Variants in MTHFD1 observed in about 807,000 individuals in gnomAD.
MTHFD1 encodes methylenetetrahydrofolate dehydrogenase, cyclohydrolase and formyltetrahydrofolate synthetase 1.
In MTHFD1, 44 loss-of-function variants were observed where a neutral mutation model predicts 110.3. That is an observed-to-expected ratio of 0.40 (90% CI 0.31 to 0.51). The LOEUF is 0.51. Among genes scored for constraint, MTHFD1 ranks in the 20% least tolerant of loss-of-function variants. MTHFD1 has a pLI of 0.60. For missense variants in MTHFD1, 909 were observed against 1,173.1 expected (o/e 0.77, Z 3.29); for synonymous variants, 402 against 428.8 (o/e 0.94, Z 0.77).
At chr14:64,458,082 G>A in intron 26 of MTHFD1, 132 bp from the exon 27 acceptor site, 1 of 768,972 alleles carries the variant, frequency 1.3e-6, no homozygotes. Flanking sequence ...TAGAGATGGG[G>A]GTCTCACTAT....
chr14:64,427,558 A>T (rs1281601463), intron 12 of MTHFD1, 85 bp downstream of exon 12: 4 of 1,350,514 alleles, frequency 3.0e-6, no homozygotes, highest in Non-Finnish European at 4.2e-6. Context: ...TATGATACTT[A>T]TGGGGTCTTC....
intron 13 of MTHFD1, among the ~76,000 whole-genome samples, chr14:64,430,807 A>G (rs1265848449): frequency 2.0e-5 from 3 of 152,234 alleles, no homozygotes. Flanking sequence ...ATCGGGAAGC[A>G]CCAACACACA....
chr14:64,414,439 G>A (rs1418979483), intron 4 of MTHFD1, among the ~76,000 whole-genome samples: 1 of 151,972 alleles, frequency 6.6e-6, no homozygotes, highest in Non-Finnish European at 1.5e-5. Context: ...TTACAGGCAT[G>A]CGCCACTATG....
At chr14:64,394,544 C>CT (rs926389515) in intron 1 of MTHFD1, among the ~76,000 whole-genome samples, 27 of 146,932 alleles carry the variant, frequency 1.8e-4, no homozygotes, top group African/African-American at 2.2e-4. Context: ...GCTGGCTAAG[C>CT]TTTTTTTTTT....
chr14:64,427,238 T>A, intron 11 of MTHFD1, 99 bp from the exon 12 acceptor site: 1 of 1,378,540 alleles, frequency 7.3e-7, no homozygotes, highest in Non-Finnish European at 1.0e-6. Flanking sequence ...TCTTAATCTT[T>A]AGATTACGAG....
chr14:64,409,435 T>C (rs1314210684), intron 2 of MTHFD1, among the ~76,000 whole-genome samples: 1 of 152,174 alleles, frequency 6.6e-6, no homozygotes, highest in Non-Finnish European at 1.5e-5. Context: ...CAATTTAATC[T>C]CAGAGTTAAG....
intron 15 of MTHFD1, 138 bp downstream of exon 15, chr14:64,431,999 T>C (rs536619851): frequency 6.7e-6 from 5 of 746,196 alleles, no homozygotes; most frequent in Non-Finnish European, 1.2e-5. Context: ...AGTCATGATA[T>C]ACATAGCAAA....
chr14:64,427,605 C>A, intron 12 of MTHFD1, 132 bp downstream of exon 12: 2 of 927,722 alleles, frequency 2.2e-6, no homozygotes, highest in Non-Finnish European at 3.5e-6. Context: ...TTCTCACAAA[C>A]CTCTGTAGTC....
At chr14:64,391,515 C>A (rs1233581842) in intron 1 of MTHFD1, among the ~76,000 whole-genome samples, 2 of 152,164 alleles carry the variant, frequency 1.3e-5, no homozygotes, top group Non-Finnish European at 1.5e-5. Flanking sequence ...ATGTTTCCCA[C>A]CCTGCTGAGA....
rs200700437 is a variant in MTHFD1 at position 64,402,950 on chromosome 14, TGA to T, written c.126+2075_126+2076del. ...ATTAAAAACACATGCACTCAAGAGTTGAGGTTTATTTATATATATATATTTTT... is the reference window on the plus strand; with the variant it reads ...ATTAAAAACACATGCACTCAAGAGTTGGTTTATTTATATATATATATTTTT... On this transcript the variant is annotated intron_variant, in intron 2 of 27. Coordinates refer to ENST00000652337, the MANE Select transcript of MTHFD1 (RefSeq NM_005956.4). Among the ~76,000 whole-genome samples the T allele has an allele frequency of 4.5e-3, 688 of 152,174 alleles. 3 individuals carry two copies. Among genetic ancestry groups the T allele is most frequent in the Middle Eastern group, 0.017 (5 of 294 alleles).
chr14:64,424,763 G>T, intron 8 of MTHFD1, 41 bp from the exon 9 acceptor site: 2 of 1,611,306 alleles, frequency 1.2e-6, no homozygotes, highest in Non-Finnish European at 1.7e-6. Flanking sequence ...CCAGGACTGT[G>T]ATTCTGAGAC....
intron 17 of MTHFD1, chr14:64,439,425 G>A: frequency 1.9e-6 from 1 of 537,534 alleles, no homozygotes; most frequent in Non-Finnish European, 3.4e-6. Context: ...GAATATCCTT[G>A]CATAGAAATT....
intron 4 of MTHFD1, among the ~76,000 whole-genome samples, chr14:64,414,809 C>T (rs892740368): frequency 7.2e-5 from 11 of 152,070 alleles, no homozygotes; most frequent in Non-Finnish European, 1.3e-4. Context: ...CCTGCCTCAG[C>T]CTCCCGAGTA....
intron 1 of MTHFD1, among the ~76,000 whole-genome samples, chr14:64,398,679 G>C (rs1303441104): frequency 1.3e-5 from 2 of 152,208 alleles, no homozygotes; most frequent in African/African-American, 4.8e-5. Flanking sequence ...TTGTGTGCCT[G>C]TTTATGTCAG....
rs761903522 is a variant in MTHFD1 at position 64,425,856 on chromosome 14, CT to C, written c.953+32del. 15 of 1,604,356 alleles carry C rather than the reference CT, an allele frequency of 9.3e-6. No homozygotes were observed. The East Asian group carries it at 2.0e-4, about 21-fold the overall frequency. ...AAAATAAAGTTTTACTGATTTAAAA[CT>C]TTGTGAATTGTTGGTTTTTAGTTGA... is the stretch of plus-strand genomic sequence containing the variant. On this transcript the variant is annotated intron_variant, in intron 10 of 27. Transcript: ENST00000652337.
In MTHFD1 at chr14:64,417,833, C is replaced by T. The variant is rs751930476; in HGVS notation, c.479-55C>T. The T allele has an allele frequency of 5.6e-6, 9 of 1,609,330 alleles. No individual in the cohort carries two copies. The highest frequency in any genetic ancestry group is 5.0e-5 in the Admixed American group (3 of 59,988). Reference sequence around the variant, plus strand: ...TATTCTAATTTCTCCACGTGGCATGCGAAGGAGGGCAGCTTCTATCCTCCA... The same window carrying T: ...TATTCTAATTTCTCCACGTGGCATGTGAAGGAGGGCAGCTTCTATCCTCCA... On this transcript the variant is annotated intron_variant, in intron 6 of 27. Coordinates refer to ENST00000652337, the MANE Select transcript of MTHFD1 (RefSeq NM_005956.4). The surrounding 1 kb of genome is among the most constrained non-coding windows in gnomAD (Gnocchi z 4.4).
At chr14:64,420,245 A>G (rs1376532854) in intron 8 of MTHFD1, among the ~76,000 whole-genome samples, 1 of 152,126 alleles carries the variant, frequency 6.6e-6, no homozygotes, top group East Asian at 1.9e-4. Context: ...TATTTTAGCA[A>G]AGTTGATGGA....
At position 64,459,918 on chromosome 14, in the gene MTHFD1, A is replaced by C; in HGVS notation, c.*164A>C. 1.0e-5 allele frequency: 16 copies of C among 1,535,478 alleles called. No homozygotes were observed. The highest frequency in any genetic ancestry group is 1.4e-5 in the Non-Finnish European group (16 of 1,146,382). ...TTCCCCAGAAGTCATTTTCAGCCTT[A>C]ATTCTCATCATGTATAAATTAACAT... On this transcript the variant is annotated 3_prime_UTR_variant, in exon 28 of 28. Transcript: ENST00000652337.
At chr14:64,411,792 T>C (rs1184849290) in intron 3 of MTHFD1, among the ~76,000 whole-genome samples, 1 of 152,144 alleles carries the variant, frequency 6.6e-6, no homozygotes, top group East Asian at 1.9e-4. Flanking sequence ...TCCCAGCTAC[T>C]CGGGAGGCTG....
Sources: allele counts gnomAD v4.1 joint callset (sites outside exome capture counted in the v4.1 genomes callset), GRCh38; gene constraint gnomAD v4.1.1; non-coding constraint Gnocchi (gnomAD v3.1); transcripts MANE v1.5; gene names NCBI Gene and HGNC (gene_info 2026-07-23, HGNC 2026-07-21).